The following ZNF654 variants were observed in gnomAD, a reference collection of about 807,000 sequenced individuals.
ZNF654 encodes melanoma-associated antigen.
In ZNF654, 19 loss-of-function variants were observed where a neutral mutation model predicts 95.3. The ratio of observed to expected loss-of-function variants is 0.20; its 90% CI spans 0.14 to 0.29. The LOEUF (loss-of-function observed/expected upper bound fraction) is 0.29. Among genes scored for constraint, ZNF654 ranks in the 10% least tolerant of loss-of-function variants. The pLI is 1.00. For missense variants in ZNF654, 1,046 were observed against 1,341.0 expected (o/e 0.78, Z 3.44); for synonymous variants, 413 against 457.9 (o/e 0.90, Z 1.25).
At chr3:88,100,772 G>C (rs1704369407) in intron 2 of ZNF654, among the ~76,000 whole-genome samples, 1 of 151,938 alleles carries the variant, frequency 6.6e-6, no homozygotes, top group Non-Finnish European at 1.5e-5. Context: ...AGAACACTTG[G>C]ACACAGGAAG....
intron 1 of ZNF654, among the ~76,000 whole-genome samples, chr3:88,062,099 A>G (rs577058705): frequency 1.6e-4 from 24 of 152,320 alleles, no homozygotes; most frequent in African/African-American, 5.3e-4. Context: ...GACTGGCCCT[A>G]TCACATCCTC....
chr3:88,095,841 G>T, intron 2 of ZNF654: 1 of 458,734 alleles, frequency 2.2e-6, no homozygotes, highest in South Asian at 1.7e-5. Context: ...GTGCTCCTCA[G>T]AAAAGCCTTT....
rs139885881 is a variant in ZNF654, at chr3:88,088,744, T to G, written c.332+2342T>G. On this transcript the variant is annotated intron_variant, in intron 2 of 8. Transcript: ENST00000636215. ...AGGCAGTTTAAAAAAAAACCTTTAT[T>G]TATGTATGTATGTATGTATGGATGG... 3.2e-3 allele frequency among the ~76,000 whole-genome samples: 474 copies of G among 148,626 alleles called. 3 individuals are homozygous for G. The highest frequency in any genetic ancestry group is 5.4e-3 in the Non-Finnish European group (360 of 67,284).
intron 2 of ZNF654, among the ~76,000 whole-genome samples, chr3:88,097,226 T>C (rs1704118009): frequency 6.6e-6 from 1 of 152,130 alleles, no homozygotes; most frequent in Admixed American, 6.6e-5. Flanking sequence ...AATTTATCAC[T>C]TATCACACAT....
intron 2 of ZNF654, among the ~76,000 whole-genome samples, 196 bp from the exon 3 acceptor site, chr3:88,112,919 C>A (rs921352583): frequency 3.9e-5 from 6 of 152,058 alleles, no homozygotes; most frequent in African/African-American, 1.4e-4. Flanking sequence ...AAGTATATTT[C>A]TTTGTATTTT....
Position 88,141,023 on chromosome 3 carries a change from C to G in ZNF654, c.3354C>G (p.Leu1118=). Residue 1118 remains leucine (L), a synonymous_variant, in exon 8 of 9, where the codon CTC becomes CTG. Coordinates refer to ENST00000636215, the MANE Select transcript of ZNF654 (RefSeq NM_001350134.2). ...AHLAQKKCQT[L]FGFDSDDESA ...TTGCACAAAAGAAATGTCAGACACT[C>G]TTTGGATTTGATTCAGATGATGAAA... 1 of 1,604,600 alleles carries G rather than the reference C, an allele frequency of 6.2e-7. No individual in the cohort carries two copies. Among genetic ancestry groups the G allele is most frequent in the Non-Finnish European group, 8.5e-7 (1 of 1,175,876 alleles).
intron 3 of ZNF654, among the ~76,000 whole-genome samples, chr3:88,113,733 G>T (rs4384978): frequency 3.3e-5 from 5 of 151,850 alleles, no homozygotes; most frequent in South Asian, 2.1e-4. Flanking sequence ...TGACCCACTC[G>T]GTGAAGTAAA....
At chr3:88,072,623 C>G (rs1350755787) in intron 1 of ZNF654, among the ~76,000 whole-genome samples, 1 of 152,114 alleles carries the variant, frequency 6.6e-6, no homozygotes, top group African/African-American at 2.4e-5. Flanking sequence ...GAGGCCTTCC[C>G]TGAACACCCC....
intron 1 of ZNF654, 132 bp from the exon 2 acceptor site, chr3:88,086,125 A>T: frequency 1.5e-6 from 1 of 678,758 alleles, no homozygotes. Context: ...AGTATAGAAG[A>T]TCCCTCCCTC....
intron 1 of ZNF654, among the ~76,000 whole-genome samples, chr3:88,069,119 C>T (rs538992712): frequency 7.2e-6 from 1 of 138,038 alleles, no homozygotes; most frequent in South Asian, 2.6e-4. Flanking sequence ...AGCAGAAGTT[C>T]CCCATCAGAA....
In ZNF654 at chr3:88,135,078, G is replaced by T; in HGVS notation, c.911G>T (p.Trp304Leu). ...ATTTACAGGGAGTTGATTTTCATATGGAGTAAACTACAGCTTAAATCTAAT... is the reference window on the plus strand; with the variant it reads ...ATTTACAGGGAGTTGATTTTCATATTGAGTAAACTACAGCTTAAATCTAAT... ...MYCIWELIFI[W>L]SKLQLKSNPS... is the part of the protein sequence containing the mutation. The change falls in exon 7 of 9, where the codon TGG becomes TTG. Residue 304 changes from tryptophan to leucine, a missense_variant. Trp to Leu is a moderately conservative substitution (Grantham distance 61, BLOSUM62 -2). Coordinates refer to ENST00000636215, the MANE Select transcript of ZNF654 (RefSeq NM_001350134.2). 7.0e-7 allele frequency: 1 copy of T among 1,433,810 alleles called. No individual in the cohort carries two copies. The highest frequency in any genetic ancestry group is 9.1e-7 in the Non-Finnish European group (1 of 1,102,372). 88.8% of individuals were successfully genotyped at this position (1,433,810 alleles called of 1,614,324 possible).
At chr3:88,085,850 G>A (rs1398879811) in intron 1 of ZNF654, among the ~76,000 whole-genome samples, 1 of 152,076 alleles carries the variant, frequency 6.6e-6, no homozygotes, top group African/African-American at 2.4e-5. Context: ...TTGCCAGAAT[G>A]CTTAGAGTCT....
chr3:88,128,837 A>G lies in ZNF654; in HGVS notation c.579A>G (p.Pro193=), dbSNP rs1246008047. 6.5e-7 allele frequency: 1 copy of G among 1,535,302 alleles called. No homozygotes were observed. Among genetic ancestry groups the G allele is most frequent in the South Asian group, 1.2e-5 (1 of 84,002 alleles). ...ACAAATATTTAAGTTCTGAAAATCCACTGTTCTTTGAACTACGTGCCAGAT... is the reference window on the plus strand; with the variant it reads ...ACAAATATTTAAGTTCTGAAAATCCGCTGTTCTTTGAACTACGTGCCAGAT... ...IVNKYLSSEN[P]LFFELRARYL... Residue 193 remains proline, a synonymous_variant, in exon 5 of 9, where the codon CCA becomes CCG. Coordinates refer to ENST00000636215, the MANE Select transcript of ZNF654 (RefSeq NM_001350134.2).
Position 88,139,141 on chromosome 3 carries a change from A to G in ZNF654, c.1472A>G (p.Glu491Gly). The G allele has an allele frequency of 1.5e-6, 2 of 1,309,040 alleles. No individual in the cohort carries two copies. Among genetic ancestry groups the G allele is most frequent in the South Asian group, 5.8e-5 (2 of 34,484 alleles). The allele number at this position is 1,309,040 out of a possible 1,614,324, so 81.1% of individuals were successfully genotyped here. ...GCAGGTAATCTAAAAAGGACGGAGG[A>G]ACAGCAAGGTTTGGATGAAGGGTTT... ...NNAGNLKRTE[E>G]QQGLDEGFDS... The change falls in exon 8 of 9, where the codon GAA (glutamate) becomes GGA (glycine). Residue 491 changes from glutamate (E) to glycine (G), a missense_variant. By Grantham distance (98) the Glu-to-Gly change is moderately conservative. Around this residue, in one of 9 missense-constraint regions of ZNF654, gnomAD observed 100 missense variants for 108.9 expected, o/e 0.92. Coordinates refer to ENST00000636215, the MANE Select transcript of ZNF654 (RefSeq NM_001350134.2).
intron 1 of ZNF654, among the ~76,000 whole-genome samples, chr3:88,063,186 G>A (rs557719110): frequency 9.2e-5 from 14 of 152,260 alleles, no homozygotes; most frequent in African/African-American, 3.1e-4. Context: ...TGAACATCCT[G>A]CAGTGCACAG....
chr3:88,065,235 A>C (rs1484544619), intron 1 of ZNF654, among the ~76,000 whole-genome samples: 1 of 152,096 alleles, frequency 6.6e-6, no homozygotes, highest in South Asian at 2.1e-4. Context: ...AAACAAATGA[A>C]CCTTAGATGT....
intron 1 of ZNF654, among the ~76,000 whole-genome samples, chr3:88,074,138 A>G (rs1249062557): frequency 1.3e-5 from 2 of 152,312 alleles, no homozygotes; most frequent in East Asian, 3.9e-4. Context: ...ATTAAAGTCT[A>G]GAGTCTAAAG....
intron 1 of ZNF654, among the ~76,000 whole-genome samples, chr3:88,077,548 A>ATCAT (rs1707879839): frequency 1.3e-5 from 2 of 152,140 alleles, no homozygotes; most frequent in African/African-American, 4.8e-5. Context: ...TGTATGGGGA[A>ATCAT]TCATTGTTCT....
chr3:88,072,565 A>G (rs1439453283), intron 1 of ZNF654, among the ~76,000 whole-genome samples: 1 of 152,140 alleles, frequency 6.6e-6, no homozygotes, highest in African/African-American at 2.4e-5. Context: ...TGGATATTAT[A>G]TAGTTTGCTG....
Sources: allele counts gnomAD v4.1 joint callset (sites outside exome capture counted in the v4.1 genomes callset), GRCh38; gene constraint gnomAD v4.1.1; regional missense constraint gnomAD v4.1.1; transcripts MANE v1.5; gene names NCBI Gene and HGNC (gene_info 2026-07-23, HGNC 2026-07-21).